The following WDFY4 variants were observed in gnomAD, a reference collection of about 807,000 sequenced individuals.
WDFY4 encodes the protein WD repeat- and FYVE domain-containing protein 4.
In WDFY4, 169 loss-of-function variants were observed where a neutral mutation model predicts 351.9. The observed-to-expected ratio is 0.48, with a 90% CI of 0.42 to 0.55. The LOEUF is 0.55. WDFY4 is among the 20% of genes least tolerant of loss of function. WDFY4 has a pLI of 0.00. For missense variants in WDFY4, 3,803 were observed against 3,935.6 expected (o/e 0.97, Z 0.90); for synonymous variants, 1,622 against 1,574.6 (o/e 1.03, Z -0.71).
chr10:48,721,532 A>T (rs1281277958), intron 4 of WDFY4, among the ~76,000 whole-genome samples, 165 bp downstream of exon 4: 1 of 151,930 alleles, frequency 6.6e-6, no homozygotes, highest in African/African-American at 2.4e-5. Context: ...TGGACTTCAG[A>T]GTCTGAAATT....
chr10:48,770,682 G>A (rs1386013628), intron 13 of WDFY4, among the ~76,000 whole-genome samples: 4 of 152,330 alleles, frequency 2.6e-5, no homozygotes, highest in South Asian at 4.1e-4. Context: ...CAAGGACTTC[G>A]GGTGGATTTC....
intron 13 of WDFY4, among the ~76,000 whole-genome samples, chr10:48,766,278 C>T (rs963421416): frequency 7.2e-5 from 11 of 152,216 alleles, no homozygotes; most frequent in African/African-American, 2.7e-4. Context: ...CAGGTGACTT[C>T]TCATGGTAGT....
intron 18 of WDFY4, among the ~76,000 whole-genome samples, chr10:48,779,442 A>G (rs2066145931): frequency 6.6e-6 from 1 of 152,154 alleles, no homozygotes; most frequent in Admixed American, 6.5e-5. Context: ...GTGTCCTGAG[A>G]GTGTCACTGT....
chr10:48,852,226 G>A (rs1318167780), intron 39 of WDFY4, among the ~76,000 whole-genome samples: 1 of 152,146 alleles, frequency 6.6e-6, no homozygotes, highest in Non-Finnish European at 1.5e-5. Context: ...TACACCGGGT[G>A]GAAATACATG....
chr10:48,729,706 C>T (rs530274340), intron 8 of WDFY4, 117 bp downstream of exon 8: 2 of 1,318,804 alleles, frequency 1.5e-6, no homozygotes, highest in Non-Finnish European at 1.0e-6. Flanking sequence ...GGCTCTGATT[C>T]TGTCACAACC....
chr10:48,815,704 C>A (rs1240353906), intron 31 of WDFY4, among the ~76,000 whole-genome samples: 3 of 151,828 alleles, frequency 2.0e-5, no homozygotes, highest in African/African-American at 4.8e-5. Flanking sequence ...TATTAGATAC[C>A]CTTTTAGCAC....
intron 23 of WDFY4, among the ~76,000 whole-genome samples, chr10:48,795,469 G>A (rs1220103786): frequency 2.2e-5 from 3 of 138,826 alleles, no homozygotes; most frequent in African/African-American, 8.3e-5. Context: ...CTTGCTGTGG[G>A]ATTTCATATA....
chr10:48,733,670 C>T (rs771085436), intron 9 of WDFY4, among the ~76,000 whole-genome samples: 2 of 152,184 alleles, frequency 1.3e-5, no homozygotes, highest in Non-Finnish European at 2.9e-5. Flanking sequence ...ACTACTACCT[C>T]AGAAATTCTG....
rs527698759 is a variant in WDFY4, at chr10:48,925,301, G to A, written c.7587-16505G>A. On this transcript the variant is annotated intron_variant, in intron 47 of 61. Transcript: ENST00000325239. ...CATGCTCCCTCTAAAGAGAGGCGGG[G>A]CTGTATCTTCACAGATGAAGTCCAT... is the stretch of plus-strand genomic sequence containing the variant. Among the ~76,000 whole-genome samples the A allele has an allele frequency of 1.4e-4, 21 of 152,296 alleles. No homozygotes were observed. In the South Asian group the frequency reaches 3.9e-3, roughly 29 times the overall value.
At chr10:48,900,107 G>A in intron 45 of WDFY4, 114 bp from the exon 46 acceptor site, 1 of 859,278 alleles carries the variant, frequency 1.2e-6, no homozygotes, top group Non-Finnish European at 1.8e-6. Flanking sequence ...GACGACCCAG[G>A]AAGGGTCTTC....
intron 52 of WDFY4, among the ~76,000 whole-genome samples, chr10:48,958,691 A>G (rs1841722488): frequency 6.6e-6 from 1 of 152,182 alleles, no homozygotes; most frequent in South Asian, 2.1e-4. Context: ...GATAGGAAAA[A>G]TGGAAGAGAA....
chr10:48,829,030 A>C, intron 37 of WDFY4, 134 bp downstream of exon 37: 3 of 596,486 alleles, frequency 5.0e-6, no homozygotes, highest in Non-Finnish European at 8.6e-6. Flanking sequence ...ACTATTAAGG[A>C]CATTTTCAAA....
Position 48,942,321 on chromosome 10 carries a change from C to T in WDFY4, c.7629+473C>T, listed in dbSNP as rs575835653. On this transcript the variant is annotated intron_variant, in intron 48 of 61. Transcript: ENST00000325239. ...CTCAGACATTTCCCTGACCAGATGT[C>T]GGTGATGGAGTACAAATCTTGCACA... is the stretch of plus-strand genomic sequence containing the variant. Among the ~76,000 whole-genome samples the T allele has an allele frequency of 2.2e-4, 33 of 152,276 alleles. No homozygotes were observed. The South Asian group carries it at 3.5e-3, about 16-fold the overall frequency.
At chr10:48,797,074 T>A (rs1451849009) in intron 24 of WDFY4, among the ~76,000 whole-genome samples, 1 of 152,186 alleles carries the variant, frequency 6.6e-6, no homozygotes, top group Admixed American at 6.5e-5. Context: ...TGCTAGGTGC[T>A]TCAGTGAGAC....
chr10:48,811,365 A>G lies in WDFY4; in HGVS notation c.5045-174A>G, dbSNP rs183470733. ...AATGAATGAGCATGTCAGGAACAGC[A>G]AAGGGAACTACTGTTGAGTGCCTTT... On this transcript the variant is annotated intron_variant, in intron 29 of 61. Coordinates refer to ENST00000325239, the MANE Select transcript of WDFY4 (RefSeq NM_001394531.1). Among the ~76,000 whole-genome samples the G allele has an allele frequency of 1.5e-3, 234 of 152,328 alleles. 1 individual carries two copies. The highest frequency in any genetic ancestry group is 5.1e-3 in the African/African-American group (212 of 41,580).
At position 48,787,806 on chromosome 10, in the gene WDFY4, CCT is replaced by C. The variant is rs2066456908; in HGVS notation, c.3809-721_3809-720del. On this transcript the variant is annotated intron_variant, in intron 20 of 61. Transcript: ENST00000325239. ...TCCTCTTCCTCCTCCTCCTCCTCCT[CCT>C]CTTCTTCTTCTTCTTCTTCTTCTTC... Among the ~76,000 whole-genome samples the C allele has an allele frequency of 6.8e-5, 7 of 103,628 alleles. No homozygotes were observed. In the South Asian group the frequency reaches 2.6e-3, roughly 39 times the overall value. 68.0% of individuals were successfully genotyped at this position (103,628 alleles called of 152,430 possible). A position where few individuals can be genotyped will look rare whatever the true frequency, so the allele number is the denominator to read the frequency against.
chr10:48,973,933 A>T (rs1842440903), intron 57 of WDFY4, among the ~76,000 whole-genome samples: 1 of 152,180 alleles, frequency 6.6e-6, no homozygotes, highest in South Asian at 2.1e-4. Flanking sequence ...CATCTTTTTG[A>T]TGACCATGTG....
chr10:48,750,806 A>G (rs1332770983), intron 12 of WDFY4, among the ~76,000 whole-genome samples: 1 of 152,236 alleles, frequency 6.6e-6, no homozygotes, highest in Non-Finnish European at 1.5e-5. Flanking sequence ...GTTTCTTACC[A>G]CTGTTGAAAT....
At chr10:48,965,803 T>TCAGTTAGATATAGATTATATCTATAC (rs1842051346) in intron 54 of WDFY4, among the ~76,000 whole-genome samples, 6 of 152,236 alleles carry the variant, frequency 3.9e-5, no homozygotes, top group Non-Finnish European at 8.8e-5. Context: ...TATATCTGTA[T>TCAGTTAGATATAGATTATATCTATAC]CAGTTAGATA....
Sources: gnomAD v4.1 joint callset for allele counts (sites outside exome capture counted in the v4.1 genomes callset) on GRCh38, gnomAD v4.1.1 for gene constraint, MANE v1.5 for transcripts, NCBI Gene and HGNC (gene_info 2026-07-23, HGNC 2026-07-21) for gene names.